The following CYBB variants were observed in gnomAD, a reference collection of about 807,000 sequenced individuals.
The protein encoded by CYBB is cytochrome b-245 beta chain, also known as NADPH oxidase 2.
CYBB carries 5 observed loss-of-function variants against 46.5 expected under a neutral mutation model. The observed-to-expected ratio is 0.11, with a 90% CI of 0.06 to 0.23. The LOEUF (loss-of-function observed/expected upper bound fraction) is 0.23, where lower values mean the gene tolerates loss of function less well. Among genes scored for constraint, CYBB ranks in the 10% least tolerant of loss-of-function variants. CYBB has a pLI of 1.00. For synonymous variants in CYBB, 183 were observed against 156.7 expected (o/e 1.17, Z -1.26); for missense variants, 307 against 428.3 (o/e 0.72, Z 2.50).
intron 8 of CYBB, among the ~76,000 whole-genome samples, chrX:37,801,732 A>G (rs1929449661): frequency 9.1e-6 from 1 of 109,357 alleles, no homozygotes; most frequent in Admixed American, 9.9e-5. Flanking sequence ...AAGGGGCATA[A>G]ATTGAGTCTT....
chrX:37,793,878 G>T, intron 5 of CYBB, 68 bp downstream of exon 5: 1 of 1,038,121 alleles, frequency 9.6e-7, no homozygotes, highest in Non-Finnish European at 1.3e-6. Context: ...ATTTCAGTGA[G>T]TGAAGACCTC....
intron 1 of CYBB, among the ~76,000 whole-genome samples, chrX:37,780,606 A>G (rs958710475): frequency 9.0e-6 from 1 of 111,046 alleles, no homozygotes; most frequent in East Asian, 2.8e-4. Context: ...AAAAACAAGT[A>G]CCTTCTTTTT....
chrX:37,788,655 C>T (rs923428485), intron 3 of CYBB, among the ~76,000 whole-genome samples: 2 of 111,022 alleles, frequency 1.8e-5, no homozygotes, highest in African/African-American at 3.3e-5. Context: ...GTATGTTGTT[C>T]GATGTCACAC....
intron 11 of CYBB, 143 bp from the exon 12 acceptor site, chrX:37,809,424 G>A: frequency 1.5e-6 from 1 of 652,116 alleles, no homozygotes; most frequent in Non-Finnish European, 2.4e-6. Context: ...TTGCTTGAGA[G>A]AGATCCAGTT....
intron 9 of CYBB, 42 bp from the exon 10 acceptor site, chrX:37,804,964 G>T (rs1602183565): frequency 8.4e-7 from 1 of 1,189,597 alleles, no homozygotes; most frequent in South Asian, 1.8e-5. Context: ...ACTCTGAAGA[G>T]CAAGACATCT....
At chrX:37,808,479 A>T (rs1188098725) in intron 11 of CYBB, among the ~76,000 whole-genome samples, 2 of 112,188 alleles carry the variant, frequency 1.8e-5, no homozygotes, top group African/African-American at 6.5e-5. Context: ...ATACATAGAC[A>T]TTGACTCCAC....
At chrX:37,780,312 G>C (rs1223734889) in intron 1 of CYBB, among the ~76,000 whole-genome samples, 190 bp downstream of exon 1, 1 of 111,572 alleles carries the variant, frequency 9.0e-6, no homozygotes, top group African/African-American at 3.3e-5. Context: ...AACATATCTG[G>C]GGGCTCACTT....
At position 37,782,076 on chromosome X, in the gene CYBB, CT is replaced by C; in HGVS notation, c.46-11del. The stretch of plus-strand genomic sequence containing the variant: ...ATGCGGAAACTTCATGCAATTATTT[CT>C]GTTTGTGCAGCTGGTTTGGCTGGGG... On this transcript the variant is annotated splice_polypyrimidine_tract_variant and intron_variant, in intron 1 of 12. Transcript: ENST00000378588. 1 of 1,188,652 alleles carries C rather than the reference CT, an allele frequency of 8.4e-7. No homozygotes were observed. The highest frequency in any genetic ancestry group is 1.1e-6 in the Non-Finnish European group (1 of 874,433).
At position 37,805,710 on chromosome X, in the gene CYBB, C is replaced by T. The variant is rs559370028; in HGVS notation, c.1314+542C>T. ...ATTCAATTTCCAGCCGCGCCCCACCCCCTCCACTCACCCAATACTTTTTTT... is the reference window on the plus strand; with the variant it reads ...ATTCAATTTCCAGCCGCGCCCCACCTCCTCCACTCACCCAATACTTTTTTT... On this transcript the variant is annotated intron_variant, in intron 10 of 12. Transcript: ENST00000378588. Among the ~76,000 whole-genome samples, 13 of 110,783 alleles carry T rather than the reference C, an allele frequency of 1.2e-4. No homozygotes were observed. The South Asian group carries it at 4.6e-3, about 39-fold the overall frequency.
At chrX:37,805,810 G>T in intron 10 of CYBB, among the ~76,000 whole-genome samples, 1 of 110,939 alleles carries the variant, frequency 9.0e-6, no homozygotes, top group East Asian at 2.9e-4. Flanking sequence ...AGATTTTTTG[G>T]TTACCTATAA....
chrX:37,795,957 G>A lies in CYBB; in HGVS notation c.490G>A (p.Glu164Lys). ...NFARKRIKNP[E>K]GGLYLAVTLL... ...GTGTGTTTATATTTTACAGAACCCT[G>A]AAGGAGGCCTGTACCTGGCTGTGAC... The change falls in exon 6 of 13, where the codon GAA becomes AAA. Residue 164 changes from glutamate (E) to lysine (K), a missense_variant. Around this residue, in one of 3 missense-constraint regions of CYBB, gnomAD observed 103 missense variants for 150.2 expected, o/e 0.69. Transcript: ENST00000378588. The A allele has an allele frequency of 1.7e-6, 2 of 1,170,581 alleles. No individual in the cohort carries two copies. The highest frequency in any genetic ancestry group is 2.3e-6 in the Non-Finnish European group (2 of 861,011).
At chrX:37,782,046 T>G in intron 1 of CYBB, 42 bp from the exon 2 acceptor site, 1 of 1,068,887 alleles carries the variant, frequency 9.4e-7, no homozygotes. Context: ...GAATCTACTG[T>G]GGAAATGCGG....
chrX:37,780,520 T>A (rs1928927784), intron 1 of CYBB, among the ~76,000 whole-genome samples: 1 of 111,479 alleles, frequency 9.0e-6, no homozygotes, highest in African/African-American at 3.3e-5. Context: ...AAATATAAGA[T>A]TGACTCATGT....
chrX:37,808,420 G>A (rs1929606969), intron 11 of CYBB, among the ~76,000 whole-genome samples: 1 of 111,949 alleles, frequency 8.9e-6, no homozygotes, highest in Non-Finnish European at 1.9e-5. Flanking sequence ...TATCACATAG[G>A]CAACATCTGA....
intron 7 of CYBB, 37 bp downstream of exon 7, chrX:37,799,121 A>G (rs1929381550): frequency 1.7e-6 from 2 of 1,163,567 alleles, no homozygotes; most frequent in South Asian, 1.8e-5. Context: ...CAGTTTCATT[A>G]CTGACAATCT....
At chrX:37,780,366 T>A (rs1928923309) in intron 1 of CYBB, among the ~76,000 whole-genome samples, 1 of 111,818 alleles carries the variant, frequency 8.9e-6, no homozygotes, top group African/African-American at 3.2e-5. Context: ...TTAGCCAGCA[T>A]TTCGCAGAAG....
chrX:37,812,287 C>G lies in CYBB; in HGVS notation c.*1370C>G, dbSNP rs1241560870. The G allele has an allele frequency of 8.9e-6, 1 of 111,747 alleles. No individual in the cohort carries two copies. 9.2% of individuals were successfully genotyped at this position (111,747 alleles called of 1,213,427 possible). On this transcript the variant is annotated 3_prime_UTR_variant, in exon 13 of 13. Transcript: ENST00000378588. Reference sequence around the variant, plus strand: ...TTAGAACTGCTCCCATTTCTGGGAACTAAAACCAGTTTTATTTGCCCCACC... The same window carrying G: ...TTAGAACTGCTCCCATTTCTGGGAAGTAAAACCAGTTTTATTTGCCCCACC...
intron 5 of CYBB, 104 bp from the exon 6 acceptor site, chrX:37,795,847 A>C: frequency 1.7e-6 from 1 of 600,801 alleles, no homozygotes; most frequent in Non-Finnish European, 2.7e-6. Flanking sequence ...GACACTTTAT[A>C]ATAGTCCTGC....
intron 1 of CYBB, 57 bp from the exon 2 acceptor site, chrX:37,782,031 G>T: frequency 1.0e-6 from 1 of 971,914 alleles, no homozygotes; most frequent in Non-Finnish European, 1.5e-6. Context: ...CTCCAGTCTT[G>T]TGTGGAATCT....
Sources: allele counts gnomAD v4.1 joint callset (sites outside exome capture counted in the v4.1 genomes callset), GRCh38; gene constraint gnomAD v4.1.1; regional missense constraint gnomAD v4.1.1; transcripts MANE v1.5; gene names NCBI Gene and HGNC (gene_info 2026-07-23, HGNC 2026-07-21).